CADPS: variants seen among roughly 807,000 people sequenced by gnomAD.
CADPS encodes the protein calcium-dependent secretion activator 1.
In CADPS, 57 loss-of-function variants were observed where a neutral mutation model predicts 167.3. That is an observed-to-expected ratio of 0.34 (90% CI 0.28 to 0.42). The LOEUF (loss-of-function observed/expected upper bound fraction) is 0.42, where lower values mean the gene tolerates loss of function less well. CADPS is among the 20% of genes least tolerant of loss of function. The pLI, the probability that CADPS is intolerant of heterozygous loss-of-function variation, is 1.00. For synonymous variants in CADPS, 676 were observed against 635.3 expected, an observed-to-expected ratio of 1.06 and a Z score of -0.96; for missense variants, 1,414 against 1,738.1, an observed-to-expected ratio of 0.81 and a Z score of 3.32.
intron 6 of CADPS, among the ~76,000 whole-genome samples, chr3:62,593,540 A>G (rs1470963921): frequency 6.6e-6 from 1 of 152,172 alleles, no homozygotes; most frequent in Non-Finnish European, 1.5e-5. Flanking sequence ...TGTTAACTGG[A>G]TTGCACTGAG....
chr3:62,856,567 C>T (rs1236075618), intron 1 of CADPS, among the ~76,000 whole-genome samples: 1 of 151,916 alleles, frequency 6.6e-6, no homozygotes, highest in African/African-American at 2.4e-5. Context: ...ATAAAAGGAA[C>T]TTTATCAATG....
intron 3 of CADPS, among the ~76,000 whole-genome samples, chr3:62,670,816 T>TG (rs1404900532): frequency 6.6e-6 from 1 of 152,204 alleles, no homozygotes; most frequent in Non-Finnish European, 1.5e-5. Context: ...TCAAGTCTGA[T>TG]GTGTCATTCA....
intron 1 of CADPS, among the ~76,000 whole-genome samples, chr3:62,771,502 A>G (rs1465207109): frequency 6.6e-6 from 1 of 152,174 alleles, no homozygotes; most frequent in African/African-American, 2.4e-5. Context: ...CCAAAAGGTG[A>G]CCTTGCACGA....
chr3:62,862,744 T>A (rs913813239), intron 1 of CADPS, among the ~76,000 whole-genome samples: 29 of 152,192 alleles, frequency 1.9e-4, no homozygotes, highest in African/African-American at 7.0e-4. Context: ...AAATAAAGAT[T>A]ACATAAAATG....
intron 19 of CADPS, 62 bp from the exon 20 acceptor site, chr3:62,492,508 G>A: frequency 6.6e-7 from 1 of 1,515,034 alleles, no homozygotes; most frequent in Non-Finnish European, 9.1e-7. Context: ...TCGGACATAA[G>A]ACGTGAATTC....
At chr3:62,573,296 G>A (rs995547502) in intron 8 of CADPS, among the ~76,000 whole-genome samples, 4 of 151,768 alleles carry the variant, frequency 2.6e-5, no homozygotes, top group Admixed American at 6.6e-5. Flanking sequence ...TTTTTATTAC[G>A]GTATTTTTAT....
chr3:62,761,946 C>T (rs1576015908), intron 2 of CADPS, among the ~76,000 whole-genome samples: 2 of 152,214 alleles, frequency 1.3e-5, no homozygotes, highest in East Asian at 1.9e-4. Context: ...ACAATCAGGG[C>T]CATCAGGAAA....
At chr3:62,724,703 C>T (rs779848692) in intron 3 of CADPS, among the ~76,000 whole-genome samples, 14 of 152,178 alleles carry the variant, frequency 9.2e-5, no homozygotes, top group Non-Finnish European at 1.6e-4. Flanking sequence ...CAAGAACTGT[C>T]ACCAGCCCAA....
chr3:62,555,113 G>C (rs1035029482), intron 10 of CADPS, among the ~76,000 whole-genome samples: 24 of 152,162 alleles, frequency 1.6e-4, no homozygotes, highest in Non-Finnish European at 1.5e-5. Flanking sequence ...GAGAATTTAA[G>C]TCTCCGTTTT....
Position 62,550,863 on chromosome 3 carries a change from C to T in CADPS, c.1754-748G>A, listed in dbSNP as rs1175446794. ...CACCCACCTATCAGCAGCATTTGCACTCCCTTCTCTTCAAGATGCTTTCTT... is the reference window on the plus strand; with the variant it reads ...CACCCACCTATCAGCAGCATTTGCATTCCCTTCTCTTCAAGATGCTTTCTT... On this transcript the variant is annotated intron_variant, in intron 10 of 29. Coordinates refer to ENST00000383710, the MANE Select transcript of CADPS (RefSeq NM_003716.4). 1.1e-5 allele frequency: 5 copies of T among 456,708 alleles called. No individual in the cohort carries two copies. The East Asian group carries it at 2.8e-4, about 25-fold the overall frequency. The allele number at this position is 456,708 out of a possible 1,614,324, so 28.3% of individuals were successfully genotyped here. A position where few individuals can be genotyped will look rare whatever the true frequency, so the allele number is the denominator to read the frequency against.
At chr3:62,475,994 T>G (rs2061273281) in intron 23 of CADPS, among the ~76,000 whole-genome samples, 1 of 152,144 alleles carries the variant, frequency 6.6e-6, no homozygotes, top group African/African-American at 2.4e-5. Context: ...CTGAGAGGGC[T>G]CTGTAGGACC....
chr3:62,645,152 G>A (rs1162870265), intron 6 of CADPS, among the ~76,000 whole-genome samples: 2 of 152,062 alleles, frequency 1.3e-5, no homozygotes, highest in African/African-American at 4.8e-5. Flanking sequence ...AAAGCTATAA[G>A]GATTCAAAGG....
intron 13 of CADPS, among the ~76,000 whole-genome samples, chr3:62,519,825 T>C (rs755099917): frequency 9.2e-5 from 14 of 152,106 alleles, no homozygotes; most frequent in Non-Finnish European, 1.5e-4. Flanking sequence ...TCCGTGAATC[T>C]ACAGTTAGAT....
chr3:62,741,345 T>G (rs1393966094), intron 3 of CADPS, among the ~76,000 whole-genome samples: 1 of 152,088 alleles, frequency 6.6e-6, no homozygotes. Context: ...AGGCCAATTT[T>G]CTTGATGAAC....
chr3:62,861,394 A>G (rs1284341227), intron 1 of CADPS, among the ~76,000 whole-genome samples: 1 of 152,246 alleles, frequency 6.6e-6, no homozygotes, highest in East Asian at 1.9e-4. Flanking sequence ...ACAAGTACAT[A>G]AAGTTACTCT....
Position 62,753,786 on chromosome 3 carries a change from A to G in CADPS, c.556-13T>C. Reference sequence around the variant, plus strand: ...TCTTCAGGAACACCTGAGCAAGAACAAGGCCAGGAAAGACAGTAGGAGAGT... The same window carrying G: ...TCTTCAGGAACACCTGAGCAAGAACGAGGCCAGGAAAGACAGTAGGAGAGT... On this transcript the variant is annotated splice_polypyrimidine_tract_variant and intron_variant, in intron 2 of 29. Coordinates refer to ENST00000383710, the MANE Select transcript of CADPS (RefSeq NM_003716.4). This position sits in a 1 kb window ranked among gnomAD's most constrained non-coding sequence, Gnocchi z 4.6. 6.2e-7 allele frequency: 1 copy of G among 1,602,572 alleles called. No individual in the cohort carries two copies.
intron 8 of CADPS, among the ~76,000 whole-genome samples, chr3:62,584,707 AT>A (rs1466120461): frequency 6.6e-6 from 1 of 152,276 alleles, no homozygotes; most frequent in East Asian, 1.9e-4. Flanking sequence ...CAAATTTTCT[AT>A]TTTTTTCTCA....
rs1381904060 is a variant in CADPS at position 62,514,640 on chromosome 3, A to G, written c.2581+1419T>C. ...GATCTTAAAGTTTGTTTTTGGATAGATTTATCTGAAAGAAGAGAGCAGATC... is the reference window on the plus strand; with the variant it reads ...GATCTTAAAGTTTGTTTTTGGATAGGTTTATCTGAAAGAAGAGAGCAGATC... On this transcript the variant is annotated intron_variant, in intron 16 of 29. Transcript: ENST00000383710. This position sits in a 1 kb window ranked among gnomAD's most constrained non-coding sequence, Gnocchi z 4.2. Among the ~76,000 whole-genome samples the G allele has an allele frequency of 1.3e-5, 2 of 152,106 alleles. No homozygotes were observed. Among genetic ancestry groups the G allele is most frequent in the Non-Finnish European group, 2.9e-5 (2 of 67,988 alleles).
chr3:62,869,292 A>T (rs1009501872), intron 1 of CADPS, among the ~76,000 whole-genome samples: 5 of 152,036 alleles, frequency 3.3e-5, no homozygotes, highest in Admixed American at 6.6e-5. Flanking sequence ...CCATTCCTGC[A>T]GTCACTTCTG....
Sources: gnomAD v4.1 joint callset for allele counts (sites outside exome capture counted in the v4.1 genomes callset) on GRCh38, gnomAD v4.1.1 for gene constraint, Gnocchi (gnomAD v3.1) non-coding constraint, MANE v1.5 for transcripts, NCBI Gene and HGNC (gene_info 2026-07-23, HGNC 2026-07-21) for gene names.